ZFP62: variants seen among roughly 807,000 people sequenced by gnomAD.
ZFP62 encodes the protein ZFP62 zinc finger protein.
Under a neutral mutation model 56.4 loss-of-function variants are expected in ZFP62, and 44 were observed. The ratio of observed to expected loss-of-function variants is 0.78; its 90% confidence interval spans 0.61 to 1.00. The LOEUF is 1.00. ZFP62 is among the 50% of genes least tolerant of loss of function. ZFP62 has a pLI of 0.00. For missense variants in ZFP62, 1,030 were observed against 1,085.7 expected (o/e 0.95, Z 0.72); for synonymous variants, 421 against 388.9 (o/e 1.08, Z -0.97).
chr5:180,850,117 T>A lies in ZFP62; in HGVS notation c.1378A>T (p.Asn460Tyr). ...VCDVCGKTFR[N>Y]NAGLKVHRRL... Reference sequence around the variant, plus strand: ...CTGTGGACTTTGAGGCCTGCATTGTTTCTGAACGTTTTCCCACACACATCA... The same window carrying A: ...CTGTGGACTTTGAGGCCTGCATTGTATCTGAACGTTTTCCCACACACATCA... The change falls in exon 2 of 2, where the codon AAC becomes TAC. Residue 460 changes from asparagine to tyrosine, a missense_variant. Coordinates refer to ENST00000502412, the MANE Select transcript of ZFP62 (RefSeq NM_001172638.2). 6.4e-7 allele frequency: 1 copy of A among 1,551,580 alleles called. No homozygotes were observed. Among genetic ancestry groups the A allele is most frequent in the Non-Finnish European group, 8.7e-7 (1 of 1,146,978 alleles).
downstream of ZFP62, among the ~76,000 whole-genome samples, chr5:180,846,474 T>A (rs950754358): frequency 2.0e-5 from 3 of 152,226 alleles, no homozygotes; most frequent in Non-Finnish European, 4.4e-5. Context: ...GCCCAATCCA[T>A]GTCCCCACGA....
intron 1 of ZFP62, among the ~76,000 whole-genome samples, chr5:180,858,004 GCT>G (rs1464928363): frequency 6.6e-6 from 1 of 151,190 alleles, no homozygotes; most frequent in African/African-American, 2.4e-5. Flanking sequence ...TATAAGCCCA[GCT>G]CTTTCGGAGG....
At chr5:180,835,550 A>T in the ZFP62 span, 1 of 152,198 alleles carries the variant, frequency 6.6e-6, no homozygotes, top group Middle Eastern at 3.2e-3. Flanking sequence ...CTGTGGATTG[A>T]TATTTACATA....
At chr5:180,854,737 A>C (rs1226400343) in intron 1 of ZFP62, among the ~76,000 whole-genome samples, 2 of 152,230 alleles carry the variant, frequency 1.3e-5, no homozygotes, top group Non-Finnish European at 2.9e-5. Context: ...TCACCAGGTA[A>C]ACCCAAAACG....
At chr5:180,830,296 A>G in the ZFP62 span, 1 of 152,274 alleles carries the variant, frequency 6.6e-6, no homozygotes, top group South Asian at 2.1e-4. Context: ...GCTTCCCTGA[A>G]GCCAACTTCT....
chr5:180,837,559 G>A, the ZFP62 span, among the ~76,000 whole-genome samples: 6 of 152,178 alleles, frequency 3.9e-5, no homozygotes, highest in Admixed American at 3.3e-4. Flanking sequence ...TAATCCCTGA[G>A]TTAACTTTTA....
chr5:180,838,869 G>A, the ZFP62 span, among the ~76,000 whole-genome samples: 1 of 152,170 alleles, frequency 6.6e-6, no homozygotes, highest in African/African-American at 2.4e-5. Flanking sequence ...CAATTTTCCA[G>A]TATGTAGCAA....
chr5:180,827,630 C>T, the ZFP62 span, among the ~76,000 whole-genome samples: 1 of 152,192 alleles, frequency 6.6e-6, no homozygotes, highest in East Asian at 1.9e-4. Flanking sequence ...TGATAGTCTG[C>T]AATATGGCCT....
downstream of ZFP62, among the ~76,000 whole-genome samples, chr5:180,846,596 G>T (rs1773418371): frequency 8.2e-6 from 1 of 122,106 alleles, no homozygotes; most frequent in East Asian, 2.6e-4. Context: ...CCTTTACTCA[G>T]GTCATCCTAG....
downstream of ZFP62, among the ~76,000 whole-genome samples, chr5:180,846,762 C>G (rs573853996): frequency 3.3e-5 from 5 of 152,328 alleles, no homozygotes; most frequent in South Asian, 8.3e-4. Flanking sequence ...TTTATTCATC[C>G]TCATCTACCA....
the ZFP62 span, among the ~76,000 whole-genome samples, chr5:180,828,395 C>T: frequency 1.3e-5 from 2 of 152,164 alleles, no homozygotes; most frequent in African/African-American, 4.8e-5. Flanking sequence ...CAGTCTCTAC[C>T]CAAGAAGCTC....
chr5:180,848,677 CTCTAGGA>C lies in ZFP62; in HGVS notation c.*108_*114del. 7.1e-7 allele frequency: 1 copy of C among 1,417,468 alleles called. No individual in the cohort carries two copies. Among genetic ancestry groups the C allele is most frequent in the Non-Finnish European group, 9.2e-7 (1 of 1,083,208 alleles). The allele number at this position is 1,417,468 out of a possible 1,614,324, so 87.8% of individuals were successfully genotyped here. A position where few individuals can be genotyped will look rare whatever the true frequency, so the allele number is the denominator to read the frequency against. ...CACATAGAAAGGATTCCTCATAATCCTCTAGGATGGTTTCATTTACACTGTGTAAATT... is the reference window on the plus strand; with the variant it reads ...CACATAGAAAGGATTCCTCATAATCCTGGTTTCATTTACACTGTGTAAATT... On this transcript the variant is annotated 3_prime_UTR_variant, in exon 2 of 2. Coordinates refer to ENST00000502412, the MANE Select transcript of ZFP62 (RefSeq NM_001172638.2).
the ZFP62 span, chr5:180,831,268 C>T: frequency 6.5e-6 from 1 of 152,676 alleles, no homozygotes; most frequent in Non-Finnish European, 1.5e-5. Context: ...AGCAGAGCGG[C>T]CCCAGGGCCT....
chr5:180,851,240 C>T lies in ZFP62; in HGVS notation c.255G>A (p.Gln85=), dbSNP rs545456906. Residue 85 remains glutamine (Q), a synonymous_variant, in exon 2 of 2, where the codon CAG becomes CAA. Transcript: ENST00000502412. The part of the protein sequence containing the change: ...AKSTANIKTE[Q]EGEASEKSLH... ...AGCTCTTCTCAGATGCCTCACCTTC[C>T]TGTTCTGTCTTTATATTTGCTGTAC... 18 of 1,551,638 alleles carry T rather than the reference C, an allele frequency of 1.2e-5. No individual in the cohort carries two copies. In the African/African-American group the frequency reaches 2.5e-4, roughly 21 times the overall value.
the ZFP62 span, among the ~76,000 whole-genome samples, chr5:180,841,266 CACAT>C: frequency 5.2e-4 from 75 of 143,508 alleles, 1 homozygote; most frequent in African/African-American, 7.1e-4. Context: ...CACACACACA[CACAT>C]ATATATATAC....
Position 180,848,938 on chromosome 5 carries a change from A to G in ZFP62, c.2557T>C (p.Ser853Pro). ...NECGKAFNIR[S>P]NLTKHKRTHT... ...GTTCTTTTATGCTTGGTGAGATTTG[A>G]TCTGATATTAAAAGCCTTACCACAC... The change falls in exon 2 of 2, where the codon TCA becomes CCA. Residue 853 changes from serine to proline, a missense_variant. Transcript: ENST00000502412. 3 of 1,551,726 alleles carry G rather than the reference A, an allele frequency of 1.9e-6. No individual in the cohort carries two copies. The highest frequency in any genetic ancestry group is 2.6e-6 in the Non-Finnish European group (3 of 1,147,002).
rs774916843 is a variant in ZFP62 at position 180,848,396 on chromosome 5, C to G, written c.*396G>C. ...ACCAATGTGTAATTGGGATTCAAAG[C>G]TATACCTGAATTTCCTACATTTCTA... On this transcript the variant is annotated 3_prime_UTR_variant, in exon 2 of 2. Coordinates refer to ENST00000502412, the MANE Select transcript of ZFP62 (RefSeq NM_001172638.2). The G allele has an allele frequency of 1.0e-6, 1 of 995,554 alleles. No individual in the cohort carries two copies. Among genetic ancestry groups the G allele is most frequent in the African/African-American group, 1.7e-5 (1 of 57,518 alleles). The allele number at this position is 995,554 out of a possible 1,614,324, so 61.7% of individuals were successfully genotyped here.
chr5:180,856,952 C>CAAAAAAAAA (rs758729037), intron 1 of ZFP62, among the ~76,000 whole-genome samples: 4 of 63,678 alleles, frequency 6.3e-5, no homozygotes, highest in Non-Finnish European at 1.1e-4. Flanking sequence ...GACTATGTCT[C>CAAAAAAAAA]AAAAAAAAAA....
chr5:180,857,176 C>T (rs17141224), intron 1 of ZFP62, among the ~76,000 whole-genome samples: 15,917 of 151,912 alleles, frequency 0.1, 2,087 homozygotes, highest in African/African-American at 0.31. Flanking sequence ...ACTTGATCCT[C>T]GGGAGCTTCG....
Sources: allele counts gnomAD v4.1 joint callset (sites outside exome capture counted in the v4.1 genomes callset), GRCh38; gene constraint gnomAD v4.1.1; transcripts MANE v1.5; gene names NCBI Gene and HGNC (gene_info 2026-07-23, HGNC 2026-07-21).